The following S100PBP variants were observed in gnomAD, a reference collection of about 807,000 sequenced individuals.
The protein encoded by S100PBP is S100P-binding protein.
In S100PBP, 15 loss-of-function variants were observed where a neutral mutation model predicts 39.9. The ratio of observed to expected loss-of-function variants is 0.38; its 90% CI spans 0.25 to 0.58. S100PBP has a LOEUF of 0.58. Ranked by LOEUF, S100PBP falls within the 20% of genes least tolerant of loss-of-function variation. S100PBP has a pLI of 0.70. For missense variants in S100PBP, 504 were observed against 487.3 expected (o/e 1.03, Z -0.32); for synonymous variants, 178 against 180.3 (o/e 0.99, Z 0.10).
At chr1:32,841,972 C>T (rs1472632940) in intron 5 of S100PBP, among the ~76,000 whole-genome samples, 1 of 150,120 alleles carries the variant, frequency 6.7e-6, no homozygotes, top group Non-Finnish European at 1.5e-5. Flanking sequence ...ATTGCTTGAG[C>T]CCAAGAGTTT....
chr1:32,839,798 C>G (rs76491912), intron 5 of S100PBP, among the ~76,000 whole-genome samples: 216 of 152,240 alleles, frequency 1.4e-3, no homozygotes, highest in African/African-American at 5.1e-3. Context: ...GTGTGTACCA[C>G]TGCACCCAGA....
chr1:32,835,126 A>G lies in S100PBP; in HGVS notation c.1024+5059A>G, dbSNP rs530638579. 2.0e-5 allele frequency: 3 copies of G among 152,298 alleles called. No individual in the cohort carries two copies. In the East Asian group the frequency reaches 5.8e-4, roughly 29 times the overall value. The allele number at this position is 152,298 out of a possible 1,614,324, so 9.4% of individuals were successfully genotyped here. A position where few individuals can be genotyped will look rare whatever the true frequency, so the allele number is the denominator to read the frequency against. Reference sequence around the variant, plus strand: ...TTGCACTCCAGCCTGGGCAACGAGCAAAATTCCATCTCAAAAGAAAAAAAT... The same window carrying G: ...TTGCACTCCAGCCTGGGCAACGAGCGAAATTCCATCTCAAAAGAAAAAAAT... On this transcript the variant is annotated intron_variant, in intron 5 of 6. Transcript: ENST00000373475.
At chr1:32,845,060 T>G (rs1447993146) in intron 5 of S100PBP, among the ~76,000 whole-genome samples, 1 of 151,828 alleles carries the variant, frequency 6.6e-6, no homozygotes, top group African/African-American at 2.4e-5. Context: ...GGAGTCTCGC[T>G]GTTGCCCAGG....
At chr1:32,829,729 G>GA (rs1639507487) in intron 4 of S100PBP, among the ~76,000 whole-genome samples, 1 of 152,160 alleles carries the variant, frequency 6.6e-6, no homozygotes, top group Non-Finnish European at 1.5e-5. Context: ...AGAGTGCTGG[G>GA]ATTACAGGTG....
chr1:32,841,440 A>T (rs1020909947), intron 5 of S100PBP, among the ~76,000 whole-genome samples: 1 of 151,928 alleles, frequency 6.6e-6, no homozygotes, highest in African/African-American at 2.4e-5. Flanking sequence ...GTTTTTAAAA[A>T]TTTTATGGGT....
At chr1:32,824,302 T>C (rs544745413) in intron 1 of S100PBP, among the ~76,000 whole-genome samples, 3 of 152,232 alleles carry the variant, frequency 2.0e-5, no homozygotes, top group South Asian at 2.1e-4. Context: ...TTAACAAGGC[T>C]ACAAGTACTT....
upstream of S100PBP, chr1:32,817,235 C>T (rs1421123430): frequency 6.2e-7 from 1 of 1,614,128 alleles, no homozygotes. Context: ...GGGCTGGGAG[C>T]GTCCCCCATG....
chr1:32,855,589 T>C (rs575420958), intron 6 of S100PBP, among the ~76,000 whole-genome samples: 1 of 152,008 alleles, frequency 6.6e-6, no homozygotes, highest in Admixed American at 6.6e-5. Context: ...CCTAAATTCT[T>C]CTGGAGGAAT....
chr1:32,817,354 C>G, upstream of S100PBP: 2 of 1,419,674 alleles, frequency 1.4e-6, no homozygotes, highest in Non-Finnish European at 2.0e-6. Context: ...CAGGTTGCAT[C>G]AGCTGGGCTC....
At chr1:32,821,854 G>C (rs939911675) in intron 1 of S100PBP, among the ~76,000 whole-genome samples, 4 of 151,964 alleles carry the variant, frequency 2.6e-5, no homozygotes, top group Non-Finnish European at 4.4e-5. Context: ...GGTCAGGCTG[G>C]TCTCGAACTC....
chr1:32,834,785 G>A (rs1242244747), intron 5 of S100PBP: 2 of 152,146 alleles, frequency 1.3e-5, no homozygotes, highest in African/African-American at 4.8e-5. Context: ...TCACCTAATT[G>A]CTTGAGCATT....
intron 5 of S100PBP, among the ~76,000 whole-genome samples, chr1:32,831,079 C>A (rs1323806013): frequency 5.9e-4 from 85 of 144,968 alleles, no homozygotes; most frequent in African/African-American, 8.4e-4. Context: ...GACTCTGTCT[C>A]AAAAAAAAAA....
chr1:32,844,175 G>A (rs1052491938), intron 5 of S100PBP, among the ~76,000 whole-genome samples: 2 of 151,616 alleles, frequency 1.3e-5, no homozygotes, highest in African/African-American at 4.8e-5. Flanking sequence ...TTCGGCCTCC[G>A]CAATTGCTGG....
intron 5 of S100PBP, among the ~76,000 whole-genome samples, chr1:32,839,378 A>G (rs759608158): frequency 5.9e-5 from 9 of 152,238 alleles, no homozygotes; most frequent in African/African-American, 1.7e-4. Flanking sequence ...ATCCATTTAT[A>G]TATCAATGGA....
In S100PBP at chr1:32,826,657, T is replaced by C. The variant is rs1435922505; in HGVS notation, c.558T>C (p.Leu186=). The change falls in exon 3 of 7, where the codon CTT becomes CTC. Residue 186 remains leucine (L), a synonymous_variant. Coordinates refer to ENST00000373475, the MANE Select transcript of S100PBP (RefSeq NM_022753.4). ...GAGAAGAGATGAGAGAAGATGGTCT[T>C]AGCCCAAATGAAAGCAAACTTTGTA... is the stretch of plus-strand genomic sequence containing the variant. ...SLGEEMREDG[L]SPNESKLCTE... The C allele has an allele frequency of 3.7e-6, 6 of 1,614,096 alleles. No homozygotes were observed. The highest frequency in any genetic ancestry group is 5.1e-6 in the Non-Finnish European group (6 of 1,180,054).
chr1:32,856,121 C>A lies in S100PBP; in HGVS notation c.*83C>A. On this transcript the variant is annotated 3_prime_UTR_variant, in exon 7 of 7. Coordinates refer to ENST00000373475, the MANE Select transcript of S100PBP (RefSeq NM_022753.4). The stretch of plus-strand genomic sequence containing the variant: ...TTTCATGTTCTTTTGCTGTTTTGTG[C>A]TTTGCCGATTTTGGATTTTATTTTT... The A allele has an allele frequency of 1.1e-6, 1 of 871,790 alleles. No homozygotes were observed. Among genetic ancestry groups the A allele is most frequent in the Non-Finnish European group, 1.8e-6 (1 of 567,194 alleles). 54.0% of individuals were successfully genotyped at this position (871,790 alleles called of 1,614,324 possible). A position where few individuals can be genotyped will look rare whatever the true frequency, so the allele number is the denominator to read the frequency against.
At chr1:32,823,269 C>CTT (rs1639167927) in intron 1 of S100PBP, among the ~76,000 whole-genome samples, 1 of 3,842 alleles carries the variant, frequency 2.6e-4, no homozygotes, top group Non-Finnish European at 6.7e-3. Context: ...CCTGTGATAA[C>CTT]CTGTCTGACA....
In S100PBP at chr1:32,826,715, G is replaced by C. The variant is rs148997912; in HGVS notation, c.616G>C (p.Ala206Pro). 6.2e-7 allele frequency: 1 copy of C among 1,614,008 alleles called. No individual in the cohort carries two copies. The highest frequency in any genetic ancestry group is 1.3e-5 in the African/African-American group (1 of 74,920). Residue 206 changes from alanine (A) to proline (P), a missense_variant, in exon 3 of 7, where the codon GCC becomes CCC. By Grantham distance (27) the Ala-to-Pro change is conservative (BLOSUM62 -1). Coordinates refer to ENST00000373475, the MANE Select transcript of S100PBP (RefSeq NM_022753.4). ...ESEGISPNNS[A>P]WNGPQLSSSN... ...TGAAGGGATCAGCCCCAATAACTCT[G>C]CCTGGAATGGGCCCCAGCTCTCTTC... is the stretch of plus-strand genomic sequence containing the variant.
At chr1:32,832,185 G>A (rs190566265) in intron 5 of S100PBP, among the ~76,000 whole-genome samples, 160 of 152,240 alleles carry the variant, frequency 1.1e-3, no homozygotes, top group African/African-American at 3.7e-3. Context: ...AAAATTATAC[G>A]GGTATAAAGC....
Sources: allele counts gnomAD v4.1 joint callset (sites outside exome capture counted in the v4.1 genomes callset), GRCh38; gene constraint gnomAD v4.1.1; transcripts MANE v1.5; gene names NCBI Gene and HGNC (gene_info 2026-07-23, HGNC 2026-07-21).